Variants in MTHFD1L observed in about 807,000 individuals in gnomAD.
The protein encoded by MTHFD1L is monofunctional C1-tetrahydrofolate synthase, mitochondrial.
In MTHFD1L, 81 loss-of-function variants were observed where a neutral mutation model predicts 119.5. The observed-to-expected ratio is 0.68, with a 90% confidence interval of 0.57 to 0.82. MTHFD1L has a LOEUF of 0.82. Among genes scored for constraint, MTHFD1L ranks in the 40% least tolerant of loss-of-function variants. MTHFD1L has a pLI of 0.00. For synonymous variants in MTHFD1L, 430 were observed against 475.2 expected, an observed-to-expected ratio of 0.90 and a Z score of 1.24; for missense variants, 1,125 against 1,253.4, an observed-to-expected ratio of 0.90 and a Z score of 1.55.
intron 1 of MTHFD1L, among the ~76,000 whole-genome samples, chr6:150,874,529 C>T (rs542733545): frequency 2.6e-5 from 4 of 152,276 alleles, no homozygotes; most frequent in South Asian, 2.1e-4. Flanking sequence ...TTCTTCACCC[C>T]GCATTTTTGT....
chr6:150,913,715 C>T (rs1446372241), intron 8 of MTHFD1L, among the ~76,000 whole-genome samples: 3 of 152,118 alleles, frequency 2.0e-5, no homozygotes, highest in East Asian at 3.9e-4. Context: ...TGTTTTTGGT[C>T]GAGTCTGGTG....
chr6:150,872,612 A>G (rs1350358883), intron 1 of MTHFD1L, among the ~76,000 whole-genome samples: 3 of 152,156 alleles, frequency 2.0e-5, no homozygotes, highest in Non-Finnish European at 4.4e-5. Context: ...CAAACATACT[A>G]AAAATGAAAA....
At chr6:151,101,293 T>C (rs910086715) in intron 27 of MTHFD1L, among the ~76,000 whole-genome samples, 22 of 152,230 alleles carry the variant, frequency 1.4e-4, no homozygotes, top group Non-Finnish European at 2.6e-4. Context: ...AAGTTTAGAA[T>C]GCTGCATGGC....
chr6:150,916,359 T>C (rs1426840344), intron 8 of MTHFD1L, among the ~76,000 whole-genome samples: 1 of 129,112 alleles, frequency 7.7e-6, no homozygotes. Flanking sequence ...CTGGAGTGAG[T>C]GGTGTGATCT....
Position 150,885,638 on chromosome 6 carries a change from A to G in MTHFD1L, c.547A>G (p.Thr183Ala), listed in dbSNP as rs775733841. The G allele has an allele frequency of 3.7e-6, 6 of 1,613,222 alleles. No homozygotes were observed. Among genetic ancestry groups the G allele is most frequent in the South Asian group, 1.1e-5 (1 of 90,972 alleles). The change falls in exon 6 of 28, where the codon ACA becomes GCA. Residue 183 changes from threonine to alanine, a missense_variant. Physicochemically the swap from Thr to Ala is moderately conservative, Grantham distance 58. Around this residue, in one of 3 missense-constraint regions of MTHFD1L, gnomAD observed 1,058 missense variants for 1,151.2 expected, o/e 0.92. Coordinates refer to ENST00000367321, the MANE Select transcript of MTHFD1L (RefSeq NM_015440.5). ...LKPEKDVDGV[T>A]DINLGKLVRG... The stretch of plus-strand genomic sequence containing the variant: ...CTTCTTTATTTTCTGATTCAGAGTA[A>G]CAGACATAAACCTGGGGAAGCTGGT...
chr6:151,043,521 C>A (rs1014773844), intron 26 of MTHFD1L, among the ~76,000 whole-genome samples: 3 of 152,218 alleles, frequency 2.0e-5, no homozygotes, highest in South Asian at 2.1e-4. Flanking sequence ...CTGCGCCCGG[C>A]CATCTCTCAC....
At chr6:150,874,039 G>A (rs995932500) in intron 1 of MTHFD1L, among the ~76,000 whole-genome samples, 5 of 152,024 alleles carry the variant, frequency 3.3e-5, no homozygotes, top group African/African-American at 9.7e-5. Context: ...CCCACACTCC[G>A]GTGCTTTCCT....
At chr6:151,049,551 A>G (rs960977119) in intron 26 of MTHFD1L, among the ~76,000 whole-genome samples, 2 of 150,750 alleles carry the variant, frequency 1.3e-5, no homozygotes, top group Non-Finnish European at 2.9e-5. Context: ...AAGCCAAGCT[A>G]CTAGGGAGGC....
At chr6:150,904,494 G>A (rs1785562223) in intron 7 of MTHFD1L, among the ~76,000 whole-genome samples, 2 of 152,140 alleles carry the variant, frequency 1.3e-5, no homozygotes, top group African/African-American at 4.8e-5. Context: ...TGTTAAATGA[G>A]CATAGTAACA....
intron 20 of MTHFD1L, among the ~76,000 whole-genome samples, chr6:150,985,780 A>G (rs9371205): frequency 0.08 from 12,198 of 152,172 alleles, 1,251 homozygotes; most frequent in East Asian, 0.54. Flanking sequence ...AGCAGGAAGC[A>G]CTGGGAAATA....
chr6:150,935,094 A>G (rs879652616), intron 11 of MTHFD1L: 47 of 1,613,868 alleles, frequency 2.9e-5, no homozygotes, highest in South Asian at 9.9e-5. Context: ...CTGCAGTTCA[A>G]TGAATTTGTA....
At chr6:150,974,656 G>A (rs186291729) in intron 20 of MTHFD1L, among the ~76,000 whole-genome samples, 151 of 151,898 alleles carry the variant, frequency 9.9e-4, no homozygotes, top group African/African-American at 3.5e-3. Context: ...TTCTGTGACT[G>A]ACTTATTTCA....
chr6:150,950,948 C>G (rs565552720), intron 16 of MTHFD1L, among the ~76,000 whole-genome samples: 1 of 151,770 alleles, frequency 6.6e-6, no homozygotes, highest in African/African-American at 2.4e-5. Flanking sequence ...GGATTACATG[C>G]GTGAGCCACT....
intron 26 of MTHFD1L, among the ~76,000 whole-genome samples, chr6:151,060,324 C>A (rs537353642): frequency 3.9e-5 from 6 of 152,300 alleles, no homozygotes; most frequent in Admixed American, 3.9e-4. Flanking sequence ...TGTGCAACCA[C>A]GCAAATGCCT....
intron 26 of MTHFD1L, among the ~76,000 whole-genome samples, chr6:151,067,841 C>T (rs1449240940): frequency 6.6e-6 from 1 of 152,206 alleles, no homozygotes; most frequent in East Asian, 1.9e-4. Flanking sequence ...GCCAGCTTGG[C>T]GTTACCATTA....
At chr6:150,868,129 A>G (rs1778747610) in intron 1 of MTHFD1L, among the ~76,000 whole-genome samples, 1 of 152,032 alleles carries the variant, frequency 6.6e-6, no homozygotes, top group Admixed American at 6.5e-5. Context: ...GTTTAAAGCC[A>G]TGACTGCCTT....
At chr6:151,034,419 T>C in intron 24 of MTHFD1L, 74 bp from the exon 25 acceptor site, 1 of 1,002,248 alleles carries the variant, frequency 1.0e-6, no homozygotes, top group Non-Finnish European at 1.6e-6. Context: ...TTACAGAACA[T>C]CTCACTAAAG....
At chr6:150,924,563 GCCTC>G (rs1789597530) in intron 10 of MTHFD1L, among the ~76,000 whole-genome samples, 1 of 152,072 alleles carries the variant, frequency 6.6e-6, no homozygotes, top group African/African-American at 2.4e-5. Flanking sequence ...CTCAACCTCC[GCCTC>G]CCAGGTTCAA....
chr6:151,058,221 C>T (rs1453763915), intron 26 of MTHFD1L, among the ~76,000 whole-genome samples: 2 of 152,208 alleles, frequency 1.3e-5, no homozygotes, highest in Non-Finnish European at 2.9e-5. Flanking sequence ...ATATAAATAG[C>T]TTCTCAACAG....
Sources: gnomAD v4.1 joint callset for allele counts (sites outside exome capture counted in the v4.1 genomes callset) on GRCh38, gnomAD v4.1.1 for gene constraint, gnomAD v4.1.1 regional missense constraint, MANE v1.5 for transcripts, NCBI Gene and HGNC (gene_info 2026-07-23, HGNC 2026-07-21) for gene names.